DYNC1H1: variants seen among roughly 807,000 people sequenced by gnomAD.
DYNC1H1 encodes dynein cytoplasmic 1 heavy chain 1.
In DYNC1H1, 51 loss-of-function variants were observed where a neutral mutation model predicts 527.1. The observed-to-expected ratio is 0.10, with a 90% confidence interval of 0.08 to 0.12. The LOEUF (loss-of-function observed/expected upper bound fraction) is 0.12. Ranked by LOEUF, DYNC1H1 falls within the 10% of genes least tolerant of loss-of-function variation. DYNC1H1 has a pLI of 1.00. For missense variants in DYNC1H1, 2,771 were observed against 5,971.8 expected (o/e 0.46, Z 17.66); for synonymous variants, 2,189 against 2,278.8 (o/e 0.96, Z 1.12).
In DYNC1H1 at chr14:101,965,537, C is replaced by G. The variant is rs1250601759; in HGVS notation, c.256+590C>G. Among the ~76,000 whole-genome samples, 1 of 152,138 alleles carries G rather than the reference C, an allele frequency of 6.6e-6. No individual in the cohort carries two copies. Among genetic ancestry groups the G allele is most frequent in the Non-Finnish European group, 1.5e-5 (1 of 68,028 alleles). ...GACCCAGAGGCCGAGGCCCACAGAG[C>G]GACGGTGCCAGCCCCGGGCCTGCGA... is the stretch of plus-strand genomic sequence containing the variant. On this transcript the variant is annotated intron_variant, in intron 1 of 77. Transcript: ENST00000360184. The surrounding 1 kb of genome is among the most constrained non-coding windows in gnomAD (Gnocchi z 4.1).
intron 7 of DYNC1H1, among the ~76,000 whole-genome samples, chr14:101,984,448 A>ATTTTTTTTTTTTTTT (rs1224932045): frequency 1.1e-5 from 1 of 89,132 alleles, no homozygotes; most frequent in Non-Finnish European, 2.1e-5. Context: ...TATATATATT[A>ATTTTTTTTTTTTTTT]TATTTTTTTT....
intron 7 of DYNC1H1, among the ~76,000 whole-genome samples, chr14:101,984,890 G>A (rs2047915499): frequency 1.5e-5 from 2 of 132,804 alleles, no homozygotes; most frequent in South Asian, 2.4e-4. Flanking sequence ...CCGAGATCGC[G>A]CCACTGCATT....
In DYNC1H1 at chr14:102,022,996, C is replaced by G. The variant is rs1407757844; in HGVS notation, c.8637+116C>G. On this transcript the variant is annotated intron_variant, in intron 43 of 77. Coordinates refer to ENST00000360184, the MANE Select transcript of DYNC1H1 (RefSeq NM_001376.5). Reference sequence around the variant, plus strand: ...AATATCTTTAGGCTGGGTATGGTGTCTCACACCTGTAATCCCAGCACTTTG... The same window carrying G: ...AATATCTTTAGGCTGGGTATGGTGTGTCACACCTGTAATCCCAGCACTTTG... 3 of 1,499,266 alleles carry G rather than the reference C, an allele frequency of 2.0e-6. No homozygotes were observed. In the African/African-American group the frequency reaches 4.1e-5, roughly 21 times the overall value. 92.9% of individuals were successfully genotyped at this position (1,499,266 alleles called of 1,614,324 possible).
chr14:101,995,462 T>A (rs2050159099), intron 15 of DYNC1H1, among the ~76,000 whole-genome samples, 162 bp downstream of exon 15: 1 of 151,852 alleles, frequency 6.6e-6, no homozygotes, highest in South Asian at 2.1e-4. Context: ...ATACAAAAAA[T>A]TAGCCGGGTG....
At chr14:102,026,004 A>G (rs530761481) in intron 43 of DYNC1H1, among the ~76,000 whole-genome samples, 2 of 151,964 alleles carry the variant, frequency 1.3e-5, no homozygotes. Flanking sequence ...AGTCCCAGCT[A>G]CTTGGGAGGC....
intron 5 of DYNC1H1, among the ~76,000 whole-genome samples, chr14:101,981,586 C>T (rs1229752047): frequency 1.3e-5 from 2 of 152,192 alleles, no homozygotes; most frequent in African/African-American, 4.8e-5. Flanking sequence ...AAGACAATAG[C>T]AGTTGTCATG....
rs1367027491 is a variant in DYNC1H1 at position 101,997,544 on chromosome 14, G to A, written c.3804+270G>A. 6.6e-6 allele frequency among the ~76,000 whole-genome samples: 1 copy of A among 152,134 alleles called. No homozygotes were observed. The highest frequency in any genetic ancestry group is 1.5e-5 in the Non-Finnish European group (1 of 68,030). On this transcript the variant is annotated intron_variant, in intron 16 of 77. Coordinates refer to ENST00000360184, the MANE Select transcript of DYNC1H1 (RefSeq NM_001376.5). The surrounding 1 kb of genome is among the most constrained non-coding windows in gnomAD (Gnocchi z 4.8). ...AGATCATTCTCTTACGTAGATATGC[G>A]CAGAAATTAGAGTTTAATTTCCTGT...
intron 56 of DYNC1H1, chr14:102,035,514 G>A (rs1364593941): frequency 6.6e-6 from 1 of 152,278 alleles, no homozygotes; most frequent in East Asian, 1.9e-4. Context: ...TGACCTAGGA[G>A]TTCCACTTCT....
In DYNC1H1 at chr14:102,047,988, A is replaced by C; in HGVS notation, c.13178A>C (p.Gln4393Pro). Reference protein sequence around the residue: ...TASNWLHLIPQTLSHLKRTVE... With the variant: ...TASNWLHLIPPTLSHLKRTVE... ...TCCAACTGGCTGCACCTCATCCCCCAGACGCTGAGCCACCTCAAGCGCACC... is the reference window on the plus strand; with the variant it reads ...TCCAACTGGCTGCACCTCATCCCCCCGACGCTGAGCCACCTCAAGCGCACC... The change falls in exon 73 of 78, where the codon CAG becomes CCG. Residue 4393 changes from glutamine to proline, a missense_variant. Physicochemically the swap from Gln to Pro is moderately conservative, Grantham distance 76. Coordinates refer to ENST00000360184, the MANE Select transcript of DYNC1H1 (RefSeq NM_001376.5). The C allele has an allele frequency of 6.2e-7, 1 of 1,612,428 alleles. No homozygotes were observed. Among genetic ancestry groups the C allele is most frequent in the Non-Finnish European group, 8.5e-7 (1 of 1,179,968 alleles).
intron 43 of DYNC1H1, 21 bp downstream of exon 43, chr14:102,022,901 C>T: frequency 6.2e-7 from 1 of 1,614,108 alleles, no homozygotes; most frequent in Non-Finnish European, 8.5e-7. Context: ...CGCATCATTT[C>T]AGACATACTT....
At position 102,039,116 on chromosome 14, in the gene DYNC1H1, G is replaced by A. The variant is rs746569965; in HGVS notation, c.11322G>A (p.Lys3774=). Residue 3774 remains lysine, a synonymous_variant, in exon 60 of 78, where the codon AAG becomes AAA. Coordinates refer to ENST00000360184, the MANE Select transcript of DYNC1H1 (RefSeq NM_001376.5). This position sits in a 1 kb window ranked among gnomAD's most constrained non-coding sequence, Gnocchi z 7.0. ...DTIITTLENL[K]REAAEVTRKV... ...TCATAACCACTCTGGAGAACCTGAAGAGAGAGGCTGCAGAGGTCACCAGGA... is the reference window on the plus strand; with the variant it reads ...TCATAACCACTCTGGAGAACCTGAAAAGAGAGGCTGCAGAGGTCACCAGGA... 3 of 1,614,234 alleles carry A rather than the reference G, an allele frequency of 1.9e-6. No individual in the cohort carries two copies. In the South Asian group the frequency reaches 3.3e-5, roughly 18 times the overall value.
At chr14:102,019,094 A>G (rs1437042493) in intron 41 of DYNC1H1, among the ~76,000 whole-genome samples, 1 of 152,244 alleles carries the variant, frequency 6.6e-6, no homozygotes, top group Admixed American at 6.5e-5. Context: ...CTTAATCATT[A>G]TCCTATGCAT....
At chr14:102,031,514 G>A (rs1444999440) in intron 51 of DYNC1H1, among the ~76,000 whole-genome samples, 1 of 152,152 alleles carries the variant, frequency 6.6e-6, no homozygotes, top group Non-Finnish European at 1.5e-5. Context: ...AGATGTGTGA[G>A]CCACTGTGCC....
Position 102,015,949 on chromosome 14 carries a change from A to G in DYNC1H1, c.7336A>G (p.Ile2446Val). Reference protein sequence around the residue: ...ALEHAFQLEHIMDLTRLRCLG... With the variant: ...ALEHAFQLEHVMDLTRLRCLG... Reference sequence around the variant, plus strand: ...AGAGCACGCCTTCCAGCTGGAGCACATCATGGACCTAACACGCCTGCGCTG... The same window carrying G: ...AGAGCACGCCTTCCAGCTGGAGCACGTCATGGACCTAACACGCCTGCGCTG... Residue 2446 changes from isoleucine to valine, a missense_variant, in exon 36 of 78, where the codon ATC (isoleucine) becomes GTC (valine). This residue lies in a region of DYNC1H1 where 122 missense variants were observed against 168.4 expected (regional missense o/e 0.72). Coordinates refer to ENST00000360184, the MANE Select transcript of DYNC1H1 (RefSeq NM_001376.5). This position sits in a 1 kb window ranked among gnomAD's most constrained non-coding sequence, Gnocchi z 6.9. 1.9e-6 allele frequency: 3 copies of G among 1,614,206 alleles called. No individual in the cohort carries two copies. Among genetic ancestry groups the G allele is most frequent in the Non-Finnish European group, 2.5e-6 (3 of 1,180,042 alleles).
In DYNC1H1 at chr14:101,983,730, T is replaced by G. The variant is rs2047895179; in HGVS notation, c.1461+121T>G. 10 of 1,151,850 alleles carry G rather than the reference T, an allele frequency of 8.7e-6. No homozygotes were observed. The highest frequency in any genetic ancestry group is 1.1e-5 in the Non-Finnish European group (9 of 798,896). 71.4% of individuals were successfully genotyped at this position (1,151,850 alleles called of 1,614,324 possible). ...TTCACTCTTGTTGCCCAGGCTGGAG[T>G]GCAATGGCATGATCTTGGCTCACTG... On this transcript the variant is annotated intron_variant, in intron 7 of 77. Transcript: ENST00000360184. The surrounding 1 kb of genome is among the most constrained non-coding windows in gnomAD (Gnocchi z 5.3).
In DYNC1H1 at chr14:102,050,560, G is replaced by A. The variant is rs1595638451; in HGVS notation, c.13938G>A (p.Glu4646=). The part of the protein sequence containing the change: ...YERGVAVLCT[E] The stretch of plus-strand genomic sequence containing the variant: ...GGGGTGTCGCAGTCTTGTGCACAGA[G>A]TAAACTTTTCTAGCTGCCCCTTTCT... The change falls in exon 78 of 78, where the codon GAG becomes GAA. Residue 4646 remains glutamate (E), a synonymous_variant. Transcript: ENST00000360184. 1 of 1,614,226 alleles carries A rather than the reference G, an allele frequency of 6.2e-7. No individual in the cohort carries two copies. The highest frequency in any genetic ancestry group is 8.5e-7 in the Non-Finnish European group (1 of 1,180,038).
chr14:101,987,360 T>C, intron 8 of DYNC1H1, 93 bp from the exon 9 acceptor site: 1 of 1,372,174 alleles, frequency 7.3e-7, no homozygotes, highest in Non-Finnish European at 1.0e-6. Context: ...CTGGAGCATT[T>C]GTCAATGTAT....
rs17512905 is a variant in DYNC1H1, at chr14:102,044,974, C to G, written c.13006+276C>G. On this transcript the variant is annotated intron_variant, in intron 72 of 77. Transcript: ENST00000360184. The surrounding 1 kb of genome is among the most constrained non-coding windows in gnomAD (Gnocchi z 7.1). ...AGGCTTGATATTTATGTAAATGAGCCTAGAAATAACATTTAGATGTTCATC... is the reference window on the plus strand; with the variant it reads ...AGGCTTGATATTTATGTAAATGAGCGTAGAAATAACATTTAGATGTTCATC... 0.082 allele frequency: 41,699 copies of G among 506,350 alleles called. 2,165 individuals are homozygous for G. Among genetic ancestry groups the G allele is most frequent in the Non-Finnish European group, 0.11 (31,259 of 277,878 alleles). The allele number at this position is 506,350 out of a possible 1,614,324, so 31.4% of individuals were successfully genotyped here. A position where few individuals can be genotyped will look rare whatever the true frequency, so the allele number is the denominator to read the frequency against.
In DYNC1H1 at chr14:102,027,633, T is replaced by C. The variant is rs1472505934; in HGVS notation, c.9063T>C (p.Phe3021=). 6.2e-7 allele frequency: 1 copy of C among 1,614,136 alleles called. No homozygotes were observed. Residue 3021 remains phenylalanine (F), a synonymous_variant, in exon 47 of 78, where the codon TTT becomes TTC. Coordinates refer to ENST00000360184, the MANE Select transcript of DYNC1H1 (RefSeq NM_001376.5). The surrounding 1 kb of genome is among the most constrained non-coding windows in gnomAD (Gnocchi z 7.7). ...LLANGEVPGL[F]EGDEYATLMT... is the part of the protein sequence containing the mutation. ...CTGTTTCCCAGGTGCCTGGTCTCTT[T>C]GAAGGAGACGAGTATGCCACCTTGA... is the stretch of plus-strand genomic sequence containing the variant.
Sources: gnomAD v4.1 joint callset for allele counts (sites outside exome capture counted in the v4.1 genomes callset) on GRCh38, gnomAD v4.1.1 for gene constraint, gnomAD v4.1.1 regional missense constraint, Gnocchi (gnomAD v3.1) non-coding constraint, MANE v1.5 for transcripts, NCBI Gene and HGNC (gene_info 2026-07-23, HGNC 2026-07-21) for gene names.